Variants in ACOT12 observed in about 807,000 individuals in gnomAD.
The protein encoded by ACOT12 is acetyl-coenzyme A thioesterase.
In ACOT12, 51 loss-of-function variants were observed where a neutral mutation model predicts 67.7. That is an observed-to-expected ratio of 0.75 (90% CI 0.60 to 0.95). The LOEUF is 0.95. Ranked by LOEUF, ACOT12 falls within the 40% of genes least tolerant of loss-of-function variation. ACOT12 has a pLI of 0.00. For missense variants in ACOT12, 734 were observed against 708.1 expected, an observed-to-expected ratio of 1.04 and a Z score of -0.41; for synonymous variants, 251 against 244.6, an observed-to-expected ratio of 1.03 and a Z score of -0.24.
intron 5 of ACOT12, among the ~76,000 whole-genome samples, chr5:81,352,844 C>T (rs13181953): frequency 0.24 from 35,724 of 152,014 alleles, 4,315 homozygotes; most frequent in Admixed American, 0.29. Context: ...TTCATGTATC[C>T]CATAAATATA....
At chr5:81,311,852 A>G in the ACOT12 span, among the ~76,000 whole-genome samples, 1,266 of 152,316 alleles carry the variant, frequency 8.3e-3, 5 homozygotes, top group Non-Finnish European at 0.013. Context: ...TCATTATTAC[A>G]TTAGTTTGCC....
At chr5:81,344,338 T>A in intron 8 of ACOT12, 123 bp from the exon 9 acceptor site, 1 of 918,366 alleles carries the variant, frequency 1.1e-6, no homozygotes, top group African/African-American at 1.7e-5. Flanking sequence ...GTGGTGTCTC[T>A]CCATGAACTG....
chr5:81,371,809 CT>C lies in ACOT12; in HGVS notation c.198del (p.Val67LeufsTer5). 2 of 1,613,882 alleles carry C rather than the reference CT, an allele frequency of 1.2e-6. No homozygotes were observed. Among genetic ancestry groups the C allele is most frequent in the Non-Finnish European group, 1.7e-6 (2 of 1,179,888 alleles). On this transcript the variant is annotated frameshift_variant and splice_region_variant, in exon 3 of 15. Transcript: ENST00000307624. LOFTEE classifies it high-confidence loss of function. ...GCTTTGATGGTTATAACTTGTCCAACTCTAGGGAAAAACAAACAAAAAAACC... is the reference window on the plus strand; with the variant it reads ...GCTTTGATGGTTATAACTTGTCCAACCTAGGGAAAAACAAACAAAAAAACC... Reference protein sequence around the residue: ...VDDIQFEETARVGQVITIKAK... With the variant: ...VDDIQFEETAXVGQVITIKAK...
At chr5:81,357,011 C>A (rs1759737860) in intron 5 of ACOT12, among the ~76,000 whole-genome samples, 1 of 152,014 alleles carries the variant, frequency 6.6e-6, no homozygotes, top group South Asian at 2.1e-4. Flanking sequence ...ATCCTACCTT[C>A]TTCCTCTCCC....
intron 10 of ACOT12, 59 bp downstream of exon 10, chr5:81,343,759 T>C (rs1371373257): frequency 1.3e-6 from 2 of 1,565,798 alleles, no homozygotes; most frequent in East Asian, 2.2e-5. Flanking sequence ...GGCAAGCGGA[T>C]TTCCATTTTT....
intron 5 of ACOT12, among the ~76,000 whole-genome samples, chr5:81,358,259 G>T (rs1759785862): frequency 6.6e-6 from 1 of 152,164 alleles, no homozygotes; most frequent in South Asian, 2.1e-4. Context: ...TGTCCTAAGA[G>T]ATTTACTTGT....
At position 81,335,919 on chromosome 5, in the gene ACOT12, A is replaced by C. The variant is rs780717291; in HGVS notation, c.1129-18T>G. 1.4e-5 allele frequency: 22 copies of C among 1,591,266 alleles called. No individual in the cohort carries two copies. In the Admixed American group the frequency reaches 2.8e-4, roughly 20 times the overall value. On this transcript the variant is annotated intron_variant, in intron 11 of 14. Transcript: ENST00000307624. Reference sequence around the variant, plus strand: ...ATTTTTATCTAAAAGACAACAAAAAAATTAAATTACGAAAGAAAACTGATG... The same window carrying C: ...ATTTTTATCTAAAAGACAACAAAAACATTAAATTACGAAAGAAAACTGATG...
At chr5:81,377,611 C>T (rs915395405) in intron 2 of ACOT12, among the ~76,000 whole-genome samples, 1 of 152,222 alleles carries the variant, frequency 6.6e-6, no homozygotes, top group Non-Finnish European at 1.5e-5. Context: ...AGCTCAAAAT[C>T]TCCTTAAGCT....
chr5:81,367,144 A>G (rs1411811400), intron 3 of ACOT12, among the ~76,000 whole-genome samples: 2 of 152,216 alleles, frequency 1.3e-5, no homozygotes, highest in Non-Finnish European at 2.9e-5. Flanking sequence ...TGAAACAAAC[A>G]CATTTTTACA....
the ACOT12 span, among the ~76,000 whole-genome samples, chr5:81,314,394 T>C: frequency 1.3e-5 from 2 of 152,132 alleles, no homozygotes; most frequent in African/African-American, 4.8e-5. Flanking sequence ...TGAGCCACCA[T>C]GCCCGGCCTA....
the ACOT12 span, among the ~76,000 whole-genome samples, chr5:81,311,926 T>C: frequency 3.4e-5 from 5 of 148,612 alleles, no homozygotes; most frequent in Admixed American, 2.1e-4. Context: ...CCAGCAGTGC[T>C]TCTTATGGAA....
At chr5:81,360,962 C>CA (rs1166167294) in intron 4 of ACOT12, among the ~76,000 whole-genome samples, 2 of 150,392 alleles carry the variant, frequency 1.3e-5, no homozygotes, top group Non-Finnish European at 2.9e-5. Context: ...CCTGTAATCC[C>CA]AGCTACTTAG....
At chr5:81,341,943 G>T (rs1181991325) in intron 11 of ACOT12, among the ~76,000 whole-genome samples, 1 of 152,176 alleles carries the variant, frequency 6.6e-6, no homozygotes, top group African/African-American at 2.4e-5. Context: ...TGAGGTAGCT[G>T]TGGAAGAAAT....
intron 2 of ACOT12, among the ~76,000 whole-genome samples, chr5:81,379,601 C>T (rs908312773): frequency 6.6e-6 from 1 of 152,120 alleles, no homozygotes; most frequent in Non-Finnish European, 1.5e-5. Context: ...CATCAGGAAA[C>T]GGCCTTAGAA....
intron 5 of ACOT12, among the ~76,000 whole-genome samples, chr5:81,348,212 C>T (rs561437395): frequency 1.3e-5 from 2 of 152,222 alleles, no homozygotes; most frequent in African/African-American, 2.4e-5. Flanking sequence ...AGAATGGTTA[C>T]ACTGAAACTT....
At chr5:81,387,200 T>C (rs1342458478) in intron 1 of ACOT12, among the ~76,000 whole-genome samples, 2 of 151,776 alleles carry the variant, frequency 1.3e-5, no homozygotes, top group Non-Finnish European at 2.9e-5. Flanking sequence ...AGAGATGGGG[T>C]TTCACCATGT....
chr5:81,326,862 CA>C (rs745353379), downstream of ACOT12, among the ~76,000 whole-genome samples: 5 of 152,160 alleles, frequency 3.3e-5, no homozygotes, highest in Non-Finnish European at 5.9e-5. Context: ...TGTGCAAGAC[CA>C]CCCAGGGCTC....
rs181632104 is a variant in ACOT12 at position 81,342,874 on chromosome 5, A to T, written c.1045-119T>A. On this transcript the variant is annotated intron_variant, in intron 10 of 14. Coordinates refer to ENST00000307624, the MANE Select transcript of ACOT12 (RefSeq NM_130767.3). ...GAGGTATGTGTTGAGTCCTAGTGAT[A>T]ATGTTGAGTTTAGAACTAAACTACA... The T allele has an allele frequency of 6.3e-5, 66 of 1,042,010 alleles. 1 individual carries two copies. The East Asian group carries it at 1.8e-3, about 28-fold the overall frequency. The allele number at this position is 1,042,010 out of a possible 1,614,324, so 64.5% of individuals were successfully genotyped here.
chr5:81,348,638 C>G (rs888375746), intron 5 of ACOT12, among the ~76,000 whole-genome samples: 2 of 152,174 alleles, frequency 1.3e-5, no homozygotes, highest in African/African-American at 2.4e-5. Flanking sequence ...GATCTCAGCT[C>G]ACTGCAACCT....
Sources: gnomAD v4.1 joint callset for allele counts (sites outside exome capture counted in the v4.1 genomes callset) on GRCh38, gnomAD v4.1.1 for gene constraint, MANE v1.5 for transcripts, NCBI Gene and HGNC (gene_info 2026-07-23, HGNC 2026-07-21) for gene names.